The following EGFR variants were observed in gnomAD, a reference collection of about 807,000 sequenced individuals.
EGFR encodes the protein avian erythroblastic leukemia viral (v-erb-b) oncogene homolog.
Under a neutral mutation model 143.0 loss-of-function variants are expected in EGFR, and 58 were observed. The ratio of observed to expected loss-of-function variants is 0.41; its 90% CI spans 0.33 to 0.50. EGFR has a LOEUF of 0.50. Among genes scored for constraint, EGFR ranks in the 20% least tolerant of loss-of-function variants. The pLI, the probability that EGFR is intolerant of heterozygous loss-of-function variation, is 0.39. For synonymous variants in EGFR, 613 were observed against 594.4 expected (o/e 1.03, Z -0.45); for missense variants, 1,307 against 1,579.0 (o/e 0.83, Z 2.92).
intron 1 of EGFR, among the ~76,000 whole-genome samples, chr7:55,121,690 G>T (rs1270323623): frequency 6.6e-6 from 1 of 152,182 alleles, no homozygotes; most frequent in East Asian, 1.9e-4. Flanking sequence ...TGGTGACTTT[G>T]TCTTCTATTT....
intron 1 of EGFR, among the ~76,000 whole-genome samples, chr7:55,073,710 T>C (rs1395209924): frequency 6.6e-6 from 1 of 152,228 alleles, no homozygotes; most frequent in Non-Finnish European, 1.5e-5. Flanking sequence ...TGGAGTCCCC[T>C]GAATCTCGTT....
chr7:55,094,756 T>C (rs1453572075), intron 1 of EGFR, among the ~76,000 whole-genome samples: 1 of 152,382 alleles, frequency 6.6e-6, no homozygotes, highest in Admixed American at 6.5e-5. Flanking sequence ...TGTATTTCTA[T>C]ACATCTTAAT....
chr7:55,136,124 A>G (rs1360122289), intron 1 of EGFR, among the ~76,000 whole-genome samples: 1 of 152,206 alleles, frequency 6.6e-6, no homozygotes, highest in Non-Finnish European at 1.5e-5. Flanking sequence ...TTGAGATTTT[A>G]GTATAGCAAA....
At chr7:55,111,851 T>C (rs1792511458) in intron 1 of EGFR, among the ~76,000 whole-genome samples, 1 of 152,152 alleles carries the variant, frequency 6.6e-6, no homozygotes, top group Admixed American at 6.5e-5. Context: ...AGGAAGGAGG[T>C]GAAACATATT....
intron 27 of EGFR, chr7:55,203,129 A>G (rs910314310): frequency 4.0e-5 from 10 of 252,800 alleles, no homozygotes; most frequent in Non-Finnish European, 7.7e-5. Context: ...ACATACACAC[A>G]TATACACACA....
chr7:55,093,727 T>A (rs1200183872), intron 1 of EGFR, among the ~76,000 whole-genome samples: 1 of 152,170 alleles, frequency 6.6e-6, no homozygotes, highest in Non-Finnish European at 1.5e-5. Context: ...GTGGATGGCA[T>A]TTTGTTTTGT....
chr7:55,050,496 G>A (rs1788427020), intron 1 of EGFR, among the ~76,000 whole-genome samples: 1 of 152,170 alleles, frequency 6.6e-6, no homozygotes, highest in African/African-American at 2.4e-5. Context: ...TTCATCCACG[G>A]GAGGGCACTT....
At chr7:55,156,076 C>T in intron 8 of EGFR, 130 bp downstream of exon 8, 1 of 764,264 alleles carries the variant, frequency 1.3e-6, no homozygotes, top group Non-Finnish European at 2.3e-6. Flanking sequence ...TTCTTTAAAA[C>T]AGAAGATAAA....
rs148830171 is a variant in EGFR, at chr7:55,123,984, T to A, written c.89-18302T>A. ...TGTTTTATGCATCTGTTTGCAAGTA[T>A]GTGTGTATGCACATAAAAGTGTGAA... On this transcript the variant is annotated intron_variant, in intron 1 of 27. Transcript: ENST00000275493. Among the ~76,000 whole-genome samples the A allele has an allele frequency of 5.1e-4, 77 of 152,336 alleles. 1 individual carries two copies. The highest frequency in any genetic ancestry group is 1.8e-3 in the African/African-American group (75 of 41,586).
At chr7:55,202,436 A>C in intron 26 of EGFR, 81 bp from the exon 27 acceptor site, 1 of 1,195,860 alleles carries the variant, frequency 8.4e-7, no homozygotes, top group Non-Finnish European at 1.2e-6. Flanking sequence ...CAGCATCTCA[A>C]GGAGATCTCG....
intron 19 of EGFR, among the ~76,000 whole-genome samples, chr7:55,177,486 T>A (rs1786650360): frequency 6.6e-6 from 1 of 152,138 alleles, no homozygotes; most frequent in Non-Finnish European, 1.5e-5. Flanking sequence ...GCAGCCCCAG[T>A]TCCATGTTGC....
rs1787396854 is a variant in EGFR at position 55,191,608 on chromosome 7, G to A, written c.2470-111G>A. On this transcript the variant is annotated intron_variant, in intron 20 of 27. Transcript: ENST00000275493. ...AGTCACTAACGTTCGCCAGCCATAA[G>A]TCCTCGACGTGGAGAGGCTCAGAGC... 1.9e-5 allele frequency: 28 copies of A among 1,453,074 alleles called. No homozygotes were observed. The South Asian group carries it at 3.3e-4, about 17-fold the overall frequency. 90.0% of individuals were successfully genotyped at this position (1,453,074 alleles called of 1,614,324 possible). A position where few individuals can be genotyped will look rare whatever the true frequency, so the allele number is the denominator to read the frequency against.
At chr7:55,025,041 C>A (rs1008827288) in intron 1 of EGFR, among the ~76,000 whole-genome samples, 1 of 152,246 alleles carries the variant, frequency 6.6e-6, no homozygotes, top group Middle Eastern at 3.4e-3. Context: ...CAGCAAAGTT[C>A]TTGAGAGTGC....
At chr7:55,170,720 G>T in intron 15 of EGFR, 3 of 1,502,754 alleles carry the variant, frequency 2.0e-6, no homozygotes, top group South Asian at 1.3e-5. Context: ...CTTCCTCCTC[G>T]CTGCCAGATG....
chr7:55,120,546 G>T (rs577622274), intron 1 of EGFR, among the ~76,000 whole-genome samples: 1 of 152,268 alleles, frequency 6.6e-6, no homozygotes, highest in Admixed American at 6.5e-5. Context: ...TCAGCCAATG[G>T]GTGGTGGTGG....
chr7:55,093,075 C>A (rs1791223949), intron 1 of EGFR, among the ~76,000 whole-genome samples: 1 of 152,160 alleles, frequency 6.6e-6, no homozygotes, highest in Non-Finnish European at 1.5e-5. Flanking sequence ...TCAAAAGAAT[C>A]CAGAATGAAA....
intron 3 of EGFR, 148 bp downstream of exon 3, chr7:55,143,636 AT>A (rs946951345): frequency 3.4e-6 from 3 of 875,060 alleles, no homozygotes; most frequent in Non-Finnish European, 5.4e-6. Flanking sequence ...TGTGTGTAAG[AT>A]ACTGCAGGGG....
At chr7:55,203,713 C>T (rs1787976646) in intron 27 of EGFR, among the ~76,000 whole-genome samples, 1 of 139,022 alleles carries the variant, frequency 7.2e-6, no homozygotes. Flanking sequence ...CACACATACA[C>T]ACACGTAGAC....
intron 1 of EGFR, among the ~76,000 whole-genome samples, chr7:55,041,408 C>G (rs561691652): frequency 6.6e-6 from 1 of 151,236 alleles, no homozygotes; most frequent in African/African-American, 2.4e-5. Flanking sequence ...GACACTCCAT[C>G]GCAAAAAAAA....
Sources: gnomAD v4.1 joint callset for allele counts (sites outside exome capture counted in the v4.1 genomes callset) on GRCh38, gnomAD v4.1.1 for gene constraint, MANE v1.5 for transcripts, NCBI Gene and HGNC (gene_info 2026-07-23, HGNC 2026-07-21) for gene names.